CAT: variants seen among roughly 807,000 people sequenced by gnomAD.
CAT encodes the protein catalase.
A neutral mutation model predicts 59.0 loss-of-function variants in CAT; 43 were observed. The observed-to-expected ratio is 0.73, with a 90% CI of 0.57 to 0.94. The LOEUF is 0.94. CAT is among the 40% of genes least tolerant of loss of function. CAT has a pLI of 0.00. For missense variants in CAT, 664 were observed against 682.9 expected, an observed-to-expected ratio of 0.97 and a Z score of 0.31; for synonymous variants, 218 against 230.9, an observed-to-expected ratio of 0.94 and a Z score of 0.51.
intron 5 of CAT, 57 bp downstream of exon 5, chr11:34,453,251 G>A (rs374544807): frequency 1.2e-5 from 12 of 1,000,652 alleles, no homozygotes; most frequent in African/African-American, 7.9e-5. Context: ...GTTTAATTAT[G>A]CCTCTTCATA....
intron 1 of CAT, among the ~76,000 whole-genome samples, chr11:34,440,628 T>G (rs1856378085): frequency 6.6e-6 from 1 of 151,588 alleles, no homozygotes; most frequent in Non-Finnish European, 1.5e-5. Flanking sequence ...AGTGGTATGA[T>G]CTCCACTCAC....
intron 7 of CAT, 134 bp downstream of exon 7, chr11:34,456,336 C>T (rs969723129): frequency 1.5e-5 from 11 of 732,604 alleles, no homozygotes; most frequent in African/African-American, 1.2e-4. Context: ...TCAGAGTGTC[C>T]TAAGCTGTGA....
chr11:34,439,063 A>G lies in CAT; in HGVS notation c.50A>G (p.Glu17Gly). Residue 17 changes from glutamate (E) to glycine (G), a missense_variant, in exon 1 of 13, where the codon GAG (glutamate) becomes GGG (glycine). Physicochemically the swap from Glu to Gly is moderately conservative, Grantham distance 98 (BLOSUM62 -2). Coordinates refer to ENST00000241052, the MANE Select transcript of CAT (RefSeq NM_001752.4). ...PASDQMQHWK[E>G]QRAAQKADVL... ...AGCGACCAGATGCAGCACTGGAAGG[A>G]GCAGCGGGCCGCGCAGGTACACTCT... 6.3e-7 allele frequency: 1 copy of G among 1,595,520 alleles called. No homozygotes were observed. The highest frequency in any genetic ancestry group is 8.5e-7 in the Non-Finnish European group (1 of 1,171,152).
At chr11:34,446,358 T>G (rs556346741) in intron 1 of CAT, among the ~76,000 whole-genome samples, 1 of 152,322 alleles carries the variant, frequency 6.6e-6, no homozygotes, top group African/African-American at 2.4e-5. Flanking sequence ...CATTTGTAAC[T>G]TAAAAACTCA....
intron 1 of CAT, among the ~76,000 whole-genome samples, chr11:34,445,771 TA>T (rs1268867225): frequency 1.3e-5 from 2 of 152,156 alleles, no homozygotes; most frequent in Non-Finnish European, 2.9e-5. Flanking sequence ...ATTCTGGCTC[TA>T]AAGTTATTCA....
intron 11 of CAT, chr11:34,470,599 T>C (rs1314729006): frequency 6.0e-6 from 2 of 331,896 alleles, no homozygotes; most frequent in Non-Finnish European, 1.2e-5. Context: ...ATCTTAGTAG[T>C]ATATAAAAGA....
At chr11:34,453,992 G>GCCTTAATCTTTGCTCAATCCTTCA in intron 6 of CAT, 66 bp downstream of exon 6, 1 of 1,552,826 alleles carries the variant, frequency 6.4e-7, no homozygotes, top group Non-Finnish European at 8.9e-7. Flanking sequence ...TTTTCCTGAA[G>GCCTTAATCTTTGCTCAATCCTTCA]GATTGAGCAA....
In CAT at chr11:34,448,181, G is replaced by A. The variant is rs192045743; in HGVS notation, c.67-1011G>A. Among the ~76,000 whole-genome samples the A allele has an allele frequency of 1.1e-4, 16 of 152,288 alleles. No individual in the cohort carries two copies. In the East Asian group the frequency reaches 2.1e-3, roughly 20 times the overall value. ...TTAATGTACAGGACAGACATGCATG[G>A]GGAGTAAAACTACAGACTCCACTCT... On this transcript the variant is annotated intron_variant, in intron 1 of 12. Coordinates refer to ENST00000241052, the MANE Select transcript of CAT (RefSeq NM_001752.4).
At chr11:34,440,113 TTAA>T (rs1242306766) in intron 1 of CAT, among the ~76,000 whole-genome samples, 1 of 152,182 alleles carries the variant, frequency 6.6e-6, no homozygotes, top group Non-Finnish European at 1.5e-5. Flanking sequence ...TGGCTGCTGG[TTAA>T]TGGTAGACAG....
intron 10 of CAT, among the ~76,000 whole-genome samples, chr11:34,467,122 A>G (rs1856728310): frequency 6.6e-6 from 1 of 152,238 alleles, no homozygotes; most frequent in Admixed American, 6.5e-5. Context: ...ATAAACATAC[A>G]TATTTAAAGA....
intron 5 of CAT, 24 bp from the exon 6 acceptor site, chr11:34,453,777 A>T (rs2133183970): frequency 6.2e-7 from 1 of 1,607,770 alleles, no homozygotes; most frequent in Non-Finnish European, 8.5e-7. Flanking sequence ...AAAACATTTT[A>T]GGCTTTATAT....
chr11:34,464,169 G>A lies in CAT; in HGVS notation c.1260G>A (p.Glu420=). 3 of 1,613,890 alleles carry A rather than the reference G, an allele frequency of 1.9e-6. No individual in the cohort carries two copies. The highest frequency in any genetic ancestry group is 2.5e-6 in the Non-Finnish European group (3 of 1,179,818). ...CGGAACAACAGCCTTCTGCCCTGGA[G>A]CACAGCATCCAATATTCTGGAGAAG... is the stretch of plus-strand genomic sequence containing the variant. ...GAPEQQPSAL[E]HSIQYSGEVR... The change falls in exon 10 of 13, where the codon GAG becomes GAA. Residue 420 remains glutamate, a synonymous_variant. Coordinates refer to ENST00000241052, the MANE Select transcript of CAT (RefSeq NM_001752.4).
chr11:34,468,333 C>T lies in CAT; in HGVS notation c.1372C>T (p.Arg458Cys), dbSNP rs373491820. The T allele has an allele frequency of 3.2e-5, 51 of 1,614,070 alleles. No individual in the cohort carries two copies. The highest frequency in any genetic ancestry group is 2.7e-4 in the African/African-American group (20 of 75,012). The change falls in exon 11 of 13, where the codon CGT becomes TGT. Residue 458 changes from arginine to cysteine, a missense_variant. Physicochemically the swap from Arg to Cys is radical, Grantham distance 180. Coordinates refer to ENST00000241052, the MANE Select transcript of CAT (RefSeq NM_001752.4). Reference protein sequence around the residue: ...VNVLNEEQRKRLCENIAGHLK... With the variant: ...VNVLNEEQRKCLCENIAGHLK... Reference sequence around the variant, plus strand: ...CGTGCTGAATGAGGAACAGAGGAAACGTCTGTGTGAGAACATTGCCGGCCA... The same window carrying T: ...CGTGCTGAATGAGGAACAGAGGAAATGTCTGTGTGAGAACATTGCCGGCCA...
chr11:34,453,502 A>C (rs1416401912), intron 5 of CAT, among the ~76,000 whole-genome samples: 2 of 152,210 alleles, frequency 1.3e-5, no homozygotes, highest in East Asian at 3.8e-4. Flanking sequence ...GTAGTACCAA[A>C]CAAATTTGCT....
rs758620778 is a variant in CAT, at chr11:34,451,008, G to A, written c.259G>A (p.Val87Ile). The A allele has an allele frequency of 2.5e-6, 4 of 1,612,750 alleles. No homozygotes were observed. Among genetic ancestry groups the A allele is most frequent in the South Asian group, 1.1e-5 (1 of 91,076 alleles). Residue 87 changes from valine (V) to isoleucine (I), a missense_variant, in exon 3 of 13, where the codon GTC (valine) becomes ATC (isoleucine). By Grantham distance (29) the Val-to-Ile change is conservative. Coordinates refer to ENST00000241052, the MANE Select transcript of CAT (RefSeq NM_001752.4). ...KGAGAFGYFE[V>I]THDITKYSKA... Reference sequence around the variant, plus strand: ...GTTAGGGGCCTTTGGCTACTTTGAGGTCACACATGACATTACCAAATACTC... The same window carrying A: ...GTTAGGGGCCTTTGGCTACTTTGAGATCACACATGACATTACCAAATACTC...
At position 34,464,158 on chromosome 11, in the gene CAT, T is replaced by G. The variant is rs763494494; in HGVS notation, c.1249T>G (p.Ser417Ala). The G allele has an allele frequency of 1.2e-6, 2 of 1,613,978 alleles. No homozygotes were observed. The highest frequency in any genetic ancestry group is 1.7e-6 in the Non-Finnish European group (2 of 1,179,940). ...CTTTGGTGCTCCGGAACAACAGCCT[T>G]CTGCCCTGGAGCACAGCATCCAATA... The part of the protein sequence containing the change: ...NSFGAPEQQP[S>A]ALEHSIQYSG... Residue 417 changes from serine (S) to alanine (A), a missense_variant, in exon 10 of 13, where the codon TCT becomes GCT. By Grantham distance (99) the Ser-to-Ala change is moderately conservative. Transcript: ENST00000241052.
chr11:34,443,905 C>G (rs375966358), intron 1 of CAT, among the ~76,000 whole-genome samples: 37 of 152,282 alleles, frequency 2.4e-4, no homozygotes, highest in African/African-American at 8.2e-4. Flanking sequence ...GCTTTCATTT[C>G]TCCTGAAATA....
At chr11:34,471,138 A>G in intron 12 of CAT, 97 bp downstream of exon 12, 1 of 1,039,612 alleles carries the variant, frequency 9.6e-7, no homozygotes, top group South Asian at 1.3e-5. Flanking sequence ...TGCAGGGGCC[A>G]TTACCTGCCA....
At chr11:34,439,428 G>A (rs1300886381) in intron 1 of CAT, among the ~76,000 whole-genome samples, 3 of 152,166 alleles carry the variant, frequency 2.0e-5, no homozygotes, top group African/African-American at 7.2e-5. Context: ...AAGTCAGTGA[G>A]GGGAGAAGTG....
Sources: gnomAD v4.1 joint callset for allele counts (sites outside exome capture counted in the v4.1 genomes callset) on GRCh38, gnomAD v4.1.1 for gene constraint, MANE v1.5 for transcripts, NCBI Gene and HGNC (gene_info 2026-07-23, HGNC 2026-07-21) for gene names.